The following C1QTNF7 variants were observed in gnomAD, a reference collection of about 807,000 sequenced individuals.
C1QTNF7 encodes C1q and TNF related 7.
A neutral mutation model predicts 19.6 loss-of-function variants in C1QTNF7; 15 were observed. The ratio of observed to expected loss-of-function variants is 0.76; its 90% CI spans 0.51 to 1.18. C1QTNF7 has a LOEUF of 1.18. C1QTNF7 is among the 50% of genes most tolerant of loss of function. The probability of loss-of-function intolerance (pLI) is 0.00; values close to 1 mark genes in which losing one functional copy is unlikely to be tolerated. For synonymous variants in C1QTNF7, 142 were observed against 137.5 expected (o/e 1.03, Z -0.23); for missense variants, 324 against 359.7 (o/e 0.90, Z 0.80).
intron 1 of C1QTNF7, among the ~76,000 whole-genome samples, chr4:15,357,880 C>T (rs892991893): frequency 6.6e-6 from 1 of 152,150 alleles, no homozygotes; most frequent in Non-Finnish European, 1.5e-5. Context: ...ATTTTCCTCT[C>T]TGTTTGTCTA....
At chr4:15,399,151 A>G (rs1205127476) in intron 1 of C1QTNF7, among the ~76,000 whole-genome samples, 2 of 152,180 alleles carry the variant, frequency 1.3e-5, no homozygotes, top group African/African-American at 4.8e-5. Flanking sequence ...CCAACTCCTG[A>G]GATCTTATCA....
intron 1 of C1QTNF7, among the ~76,000 whole-genome samples, chr4:15,432,544 C>T (rs190816974): frequency 1.3e-5 from 2 of 152,234 alleles, no homozygotes; most frequent in East Asian, 1.9e-4. Flanking sequence ...TACAGGTGCA[C>T]GCCACCATGC....
intron 1 of C1QTNF7, among the ~76,000 whole-genome samples, chr4:15,387,874 T>C (rs1308109039): frequency 1.3e-5 from 2 of 152,206 alleles, no homozygotes; most frequent in Non-Finnish European, 1.5e-5. Flanking sequence ...TACAGATATA[T>C]ACATTATCCT....
At chr4:15,370,284 G>A (rs555722796) in intron 1 of C1QTNF7, among the ~76,000 whole-genome samples, 5 of 152,266 alleles carry the variant, frequency 3.3e-5, no homozygotes, top group East Asian at 1.9e-4. Context: ...TATAAACTGA[G>A]AAGAACAAGC....
intron 1 of C1QTNF7, among the ~76,000 whole-genome samples, chr4:15,410,500 A>T (rs890076087): frequency 2.6e-5 from 4 of 152,196 alleles, no homozygotes; most frequent in African/African-American, 4.8e-5. Flanking sequence ...TTTTCAACTA[A>T]CTGCATAATA....
rs1291709409 is a variant in C1QTNF7 at position 15,382,977 on chromosome 4, AT to A, written c.13+42771del. On this transcript the variant is annotated intron_variant, in intron 1 of 2. Coordinates refer to the C1QTNF7 transcript ENST00000295297. Reference sequence around the variant, plus strand: ...TCGGAGGTGATCAAAACAGACAAAAATCCCTGCCCTCTTACAGAAAACATTT... The same window carrying A: ...TCGGAGGTGATCAAAACAGACAAAAACCCTGCCCTCTTACAGAAAACATTT... 2.0e-5 allele frequency among the ~76,000 whole-genome samples: 3 copies of A among 152,304 alleles called. No individual in the cohort carries two copies. In the East Asian group the frequency reaches 5.8e-4, roughly 29 times the overall value.
intron 1 of C1QTNF7, among the ~76,000 whole-genome samples, chr4:15,344,297 T>C (rs1246862065): frequency 6.6e-6 from 1 of 152,184 alleles, no homozygotes; most frequent in Non-Finnish European, 1.5e-5. Flanking sequence ...AGTAACGTGA[T>C]GAAAACAATG....
intron 1 of C1QTNF7, among the ~76,000 whole-genome samples, chr4:15,400,221 A>G (rs1718933459): frequency 6.6e-6 from 1 of 152,260 alleles, no homozygotes; most frequent in Non-Finnish European, 1.5e-5. Flanking sequence ...TTGAGAGAAT[A>G]AACAACTTGA....
At chr4:15,377,186 G>A (rs1272532395) in intron 1 of C1QTNF7, among the ~76,000 whole-genome samples, 1 of 152,146 alleles carries the variant, frequency 6.6e-6, no homozygotes, top group Non-Finnish European at 1.5e-5. Flanking sequence ...TATCCAATAT[G>A]ACCTAACCTG....
At chr4:15,358,567 T>C (rs1717227811) in intron 1 of C1QTNF7, 1 of 152,194 alleles carries the variant, frequency 6.6e-6, no homozygotes, top group Admixed American at 6.5e-5. Context: ...GGTTTTGGTA[T>C]CAGGATGATG....
At chr4:15,424,211 A>G (rs1711931978), upstream of C1QTNF7, among the ~76,000 whole-genome samples, 2 of 152,192 alleles carry the variant, frequency 1.3e-5, no homozygotes, top group Non-Finnish European at 2.9e-5. Flanking sequence ...TCTATTTTAT[A>G]TCCAATACAA....
intron 1 of C1QTNF7, among the ~76,000 whole-genome samples, chr4:15,351,669 C>A (rs528244382): frequency 6.6e-6 from 1 of 152,062 alleles, no homozygotes; most frequent in African/African-American, 2.4e-5. Flanking sequence ...TTTAAAGCTC[C>A]TCAGGTGATT....
intron 1 of C1QTNF7, among the ~76,000 whole-genome samples, chr4:15,380,561 T>C (rs1294768216): frequency 1.3e-5 from 2 of 152,252 alleles, no homozygotes; most frequent in Non-Finnish European, 2.9e-5. Flanking sequence ...TTGGTGAAAC[T>C]GTGTAAGTAA....
At chr4:15,396,368 T>TA (rs1190174361) in intron 1 of C1QTNF7, among the ~76,000 whole-genome samples, 1 of 152,066 alleles carries the variant, frequency 6.6e-6, no homozygotes, top group Non-Finnish European at 1.5e-5. Context: ...CAGAGGACCA[T>TA]AAAATGTATC....
In C1QTNF7 at chr4:15,442,467, C is replaced by G. The variant is rs1446745101; in HGVS notation, c.538C>G (p.Pro180Ala). 1.9e-6 allele frequency: 3 copies of G among 1,614,018 alleles called. No homozygotes were observed. The African/African-American group carries it at 4.0e-5, about 22-fold the overall frequency. ...VLFNEGEHYNPATGKFICAFP... is the reference protein window; with the variant it reads ...VLFNEGEHYNAATGKFICAFP... ...CTTCAACGAGGGAGAGCACTACAAC[C>G]CTGCCACAGGGAAGTTCATCTGTGC... The change falls in exon 3 of 3, where the codon CCT (proline) becomes GCT (alanine). Residue 180 changes from proline (P) to alanine (A), a missense_variant. By Grantham distance (27) the Pro-to-Ala change is conservative. Coordinates refer to ENST00000444304, the MANE Select transcript of C1QTNF7 (RefSeq NM_031911.5).
At chr4:15,408,064 C>T (rs546989649) in intron 1 of C1QTNF7, among the ~76,000 whole-genome samples, 16 of 151,876 alleles carry the variant, frequency 1.1e-4, no homozygotes, top group African/African-American at 3.6e-4. Context: ...GTCAGGAGTT[C>T]GAGAGCAGCC....
intron 1 of C1QTNF7, among the ~76,000 whole-genome samples, chr4:15,395,390 C>G (rs1354668933): frequency 6.6e-6 from 1 of 152,196 alleles, no homozygotes. Flanking sequence ...CCCTTGCTTT[C>G]TGTAAGAACT....
upstream of C1QTNF7, chr4:15,427,913 A>G: frequency 2.0e-6 from 1 of 503,138 alleles, no homozygotes; most frequent in Non-Finnish European, 2.6e-6. Flanking sequence ...CACTCGATGA[A>G]TGACTTCCAG....
chr4:15,408,254 AGAGT>A (rs1286513852), intron 1 of C1QTNF7, among the ~76,000 whole-genome samples: 2 of 146,232 alleles, frequency 1.4e-5, no homozygotes, highest in African/African-American at 2.5e-5. Context: ...CCTGGGCAAC[AGAGT>A]GAGTAAGACT....
Sources: allele counts gnomAD v4.1 joint callset (sites outside exome capture counted in the v4.1 genomes callset), GRCh38; gene constraint gnomAD v4.1.1; transcripts MANE v1.5; gene names NCBI Gene and HGNC (gene_info 2026-07-23, HGNC 2026-07-21).